Variants in BCAS3 observed in about 807,000 individuals in gnomAD.
BCAS3 encodes BCAS3 microtubule associated cell migration factor.
A neutral mutation model predicts 116.1 loss-of-function variants in BCAS3; 53 were observed. The ratio of observed to expected loss-of-function variants is 0.46; its 90% confidence interval spans 0.37 to 0.57. BCAS3 has a LOEUF of 0.57. BCAS3 is among the 20% of genes least tolerant of loss of function. The pLI, the probability that BCAS3 is intolerant of heterozygous loss-of-function variation, is 0.00. For missense variants in BCAS3, 917 were observed against 1,165.4 expected (o/e 0.79, Z 3.10); for synonymous variants, 391 against 408.2 (o/e 0.96, Z 0.51).
intron 22 of BCAS3, among the ~76,000 whole-genome samples, chr17:61,246,471 GAA>G (rs1007852809): frequency 9.0e-5 from 3 of 33,474 alleles, no homozygotes; most frequent in African/African-American, 2.0e-4. Context: ...GACTGTCTCA[GAA>G]AAAAAAAAAA....
At chr17:60,952,677 A>G (rs1119805) in intron 14 of BCAS3, among the ~76,000 whole-genome samples, 47,478 of 151,866 alleles carry the variant, frequency 0.31, 12,477 homozygotes, top group African/African-American at 0.72. Context: ...AGGTATATTC[A>G]TGTCATGGGG....
rs572437569 is a variant in BCAS3 at position 61,104,224 on chromosome 17, AC to A, written c.2425+19661del. Among the ~76,000 whole-genome samples the A allele has an allele frequency of 1.3e-3, 195 of 152,276 alleles. 1 individual carries two copies. Among genetic ancestry groups the A allele is most frequent in the African/African-American group, 4.5e-3 (186 of 41,560 alleles). ...TCTCTCCCATTCCACCTCCCCACCCACAGACTCATGTCAGCAAAGATGCTGA... is the reference window on the plus strand; with the variant it reads ...TCTCTCCCATTCCACCTCCCCACCCAAGACTCATGTCAGCAAAGATGCTGA... On this transcript the variant is annotated intron_variant, in intron 22 of 23. Transcript: ENST00000407086. The surrounding 1 kb of genome is among the most constrained non-coding windows in gnomAD (Gnocchi z 4.1).
chr17:61,151,594 G>A lies in BCAS3; in HGVS notation c.2425+67030G>A, dbSNP rs1226208182. On this transcript the variant is annotated intron_variant, in intron 22 of 23. Coordinates refer to ENST00000407086, the MANE Select transcript of BCAS3 (RefSeq NM_017679.5). This position sits in a 1 kb window ranked among gnomAD's most constrained non-coding sequence, Gnocchi z 4.8. The stretch of plus-strand genomic sequence containing the variant: ...TGATCCTTCCAGTTCAGTCTCCCAT[G>A]TAGCTGATACTGACTAGCACGCCCA... Among the ~76,000 whole-genome samples, 1 of 152,002 alleles carries A rather than the reference G, an allele frequency of 6.6e-6. No individual in the cohort carries two copies. Among genetic ancestry groups the A allele is most frequent in the East Asian group, 1.9e-4 (1 of 5,186 alleles).
intron 15 of BCAS3, among the ~76,000 whole-genome samples, chr17:61,005,237 G>C (rs2064581575): frequency 6.6e-6 from 1 of 152,016 alleles, no homozygotes; most frequent in African/African-American, 2.4e-5. Context: ...TAGAAGAGAA[G>C]GGCTTGAACT....
At chr17:60,764,266 T>C (rs1370134029) in intron 6 of BCAS3, among the ~76,000 whole-genome samples, 2 of 152,148 alleles carry the variant, frequency 1.3e-5, no homozygotes, top group Non-Finnish European at 2.9e-5. Context: ...CTTGCTTCTC[T>C]AGTTCTTTTA....
chr17:60,716,184 T>G (rs979030576), intron 5 of BCAS3, among the ~76,000 whole-genome samples: 4 of 152,162 alleles, frequency 2.6e-5, no homozygotes. Context: ...ATTTAAACGG[T>G]GTTCATTTAT....
chr17:61,108,201 G>A (rs1446508799), intron 22 of BCAS3, among the ~76,000 whole-genome samples: 2 of 151,998 alleles, frequency 1.3e-5, no homozygotes, highest in Non-Finnish European at 2.9e-5. Flanking sequence ...TTTCTCTAAA[G>A]TCTACTTTAT....
Position 61,083,237 on chromosome 17 carries a change from C to T in BCAS3, c.2328-1230C>T, listed in dbSNP as rs574723937. 1.3e-5 allele frequency among the ~76,000 whole-genome samples: 2 copies of T among 152,212 alleles called. No homozygotes were observed. Among genetic ancestry groups the T allele is most frequent in the Non-Finnish European group, 2.9e-5 (2 of 68,040 alleles). On this transcript the variant is annotated intron_variant, in intron 21 of 23. Transcript: ENST00000407086. The surrounding 1 kb of genome is among the most constrained non-coding windows in gnomAD (Gnocchi z 4.9). The stretch of plus-strand genomic sequence containing the variant: ...GATGTGGACCCTGCATGTATTCCCC[C>T]ATCTCCTCAATCTGAGCTTTTACTA...
intron 6 of BCAS3, among the ~76,000 whole-genome samples, chr17:60,806,139 G>A (rs1255338102): frequency 6.6e-6 from 1 of 152,048 alleles, no homozygotes; most frequent in Admixed American, 6.5e-5. Flanking sequence ...GCCTCCCAAA[G>A]TGCTGGGATT....
At chr17:60,693,637 T>C (rs1250694867) in intron 4 of BCAS3, among the ~76,000 whole-genome samples, 1 of 151,528 alleles carries the variant, frequency 6.6e-6, no homozygotes, top group Non-Finnish European at 1.5e-5. Context: ...GGTCTCAAAC[T>C]CCTGGGCTCA....
chr17:61,141,902 GA>G lies in BCAS3; in HGVS notation c.2425+57356del, dbSNP rs34079272. Among the ~76,000 whole-genome samples the G allele has an allele frequency of 4.9e-4, 14 of 28,614 alleles. No homozygotes were observed. Among genetic ancestry groups the G allele is most frequent in the East Asian group, 4.7e-3 (3 of 632 alleles). 18.8% of individuals were successfully genotyped at this position (28,614 alleles called of 152,430 possible). ...GTGACAGAGCGAGACCCCACCTCAA[GA>G]AAAAAAAAAAAAAAAAAGTTAGACA... On this transcript the variant is annotated intron_variant, in intron 22 of 23. Transcript: ENST00000407086. The surrounding 1 kb of genome is among the most constrained non-coding windows in gnomAD (Gnocchi z 4.3).
chr17:61,360,484 T>C (rs1603040379), intron 22 of BCAS3, among the ~76,000 whole-genome samples: 1 of 152,236 alleles, frequency 6.6e-6, no homozygotes, highest in Admixed American at 6.5e-5. Flanking sequence ...TTCTGGAGGC[T>C]AGCATTCTGA....
Position 60,947,250 on chromosome 17 carries a change from C to T in BCAS3, c.1119C>T (p.Gly373=), listed in dbSNP as rs1175670907. Reference sequence around the variant, plus strand: ...TTCTAGTCACAACAGACACCCTTGGCCATGACTTTCATGTCTTCCAAATTC... The same window carrying T: ...TTCTAGTCACAACAGACACCCTTGGTCATGACTTTCATGTCTTCCAAATTC... ...GMLLVTTDTL[G]HDFHVFQILT... The change falls in exon 14 of 24, where the codon GGC becomes GGT. Residue 373 remains glycine, a synonymous_variant. Transcript: ENST00000407086. The T allele has an allele frequency of 6.2e-7, 1 of 1,612,826 alleles. No homozygotes were observed. The highest frequency in any genetic ancestry group is 1.3e-5 in the African/African-American group (1 of 74,878).
intron 22 of BCAS3, among the ~76,000 whole-genome samples, chr17:61,127,686 G>A (rs1307426928): frequency 6.8e-6 from 1 of 146,592 alleles, no homozygotes; most frequent in Non-Finnish European, 1.5e-5. Context: ...TGTATGCCCA[G>A]AGGTGGGAAA....
chr17:61,312,702 C>A (rs546501850), intron 22 of BCAS3, among the ~76,000 whole-genome samples: 63 of 152,262 alleles, frequency 4.1e-4, no homozygotes, highest in African/African-American at 1.5e-3. Flanking sequence ...TTATGAATCT[C>A]CTTGGAAGAC....
At chr17:61,047,729 C>T (rs1568220184) in intron 19 of BCAS3, among the ~76,000 whole-genome samples, 1 of 151,986 alleles carries the variant, frequency 6.6e-6, no homozygotes, top group African/African-American at 2.4e-5. Context: ...TAGACAATAA[C>T]TTTTTCTTCA....
intron 4 of BCAS3, among the ~76,000 whole-genome samples, chr17:60,700,223 T>G (rs376154354): frequency 1.6e-4 from 24 of 149,840 alleles, no homozygotes; most frequent in African/African-American, 5.2e-4. Context: ...TGGTGAGCAG[T>G]GGTGGAAGCA....
At chr17:60,946,981 C>T (rs937457565) in intron 13 of BCAS3, among the ~76,000 whole-genome samples, 1 of 152,128 alleles carries the variant, frequency 6.6e-6, no homozygotes, top group Non-Finnish European at 1.5e-5. Flanking sequence ...GCTAGTTTTA[C>T]AGGAATGCCA....
rs773996890 is a variant in BCAS3, at chr17:61,084,480, C to G, written c.2341C>G (p.Arg781Gly). ...ATTGCATTGCAGGATCCAGCCAGTC[C>G]GCTCTGACCCCGTCAGCATGCCAGG... ...DLNSLRIQPV[R>G]SDPVSMPGSS... Residue 781 changes from arginine (R) to glycine (G), a missense_variant, in exon 22 of 24, where the codon CGC becomes GGC. Arg to Gly is a moderately radical substitution (Grantham distance 125). Around this residue, in one of 3 missense-constraint regions of BCAS3, gnomAD observed 807 missense variants for 1,026.0 expected, o/e 0.79. Transcript: ENST00000407086. This position sits in a 1 kb window ranked among gnomAD's most constrained non-coding sequence, Gnocchi z 5.5. 6.2e-7 allele frequency: 1 copy of G among 1,612,248 alleles called. No individual in the cohort carries two copies. Among genetic ancestry groups the G allele is most frequent in the Admixed American group, 1.7e-5 (1 of 59,314 alleles).
Sources: allele counts gnomAD v4.1 joint callset (sites outside exome capture counted in the v4.1 genomes callset), GRCh38; gene constraint gnomAD v4.1.1; regional missense constraint gnomAD v4.1.1; non-coding constraint Gnocchi (gnomAD v3.1); transcripts MANE v1.5; gene names NCBI Gene and HGNC (gene_info 2026-07-23, HGNC 2026-07-21).